Variants in SDK1 observed in about 807,000 individuals in gnomAD.
The protein encoded by SDK1 is sidekick cell adhesion molecule 1.
Under a neutral mutation model 245.5 loss-of-function variants are expected in SDK1, and 157 were observed. The observed-to-expected ratio is 0.64, with a 90% CI of 0.56 to 0.73. SDK1 has a LOEUF of 0.73. Ranked by LOEUF, SDK1 falls within the 30% of genes least tolerant of loss-of-function variation. The pLI is 0.00. For synonymous variants in SDK1, 1,647 were observed against 1,278.5 expected, an observed-to-expected ratio of 1.29 and a Z score of -6.15; for missense variants, 3,583 against 3,002.3, an observed-to-expected ratio of 1.19 and a Z score of -4.52.
At chr7:4,032,325 A>G (rs576889680) in intron 17 of SDK1, among the ~76,000 whole-genome samples, 3 of 152,342 alleles carry the variant, frequency 2.0e-5, no homozygotes, top group African/African-American at 7.2e-5. Context: ...TAAAATAGAA[A>G]TGTATTGACA....
intron 11 of SDK1, among the ~76,000 whole-genome samples, 171 bp downstream of exon 11, chr7:3,969,595 G>A (rs563394778): frequency 3.3e-4 from 50 of 152,260 alleles, no homozygotes; most frequent in African/African-American, 1.1e-3. Flanking sequence ...AATTTTCAAT[G>A]TCTAAAAGAA....
intron 18 of SDK1, 28 bp downstream of exon 18, chr7:4,049,491 G>T (rs1269982563): frequency 6.5e-7 from 1 of 1,545,052 alleles, no homozygotes; most frequent in South Asian, 1.1e-5. Flanking sequence ...AGGGCCTGTG[G>T]GCAGCTGTCA....
chr7:3,595,509 T>A (rs964529326), intron 1 of SDK1, among the ~76,000 whole-genome samples: 14 of 152,124 alleles, frequency 9.2e-5, no homozygotes, highest in Non-Finnish European at 1.5e-5. Flanking sequence ...GCCTCCGATA[T>A]ATTTAATAAA....
At chr7:4,223,204 G>A (rs955310860) in intron 40 of SDK1, among the ~76,000 whole-genome samples, 6 of 152,174 alleles carry the variant, frequency 3.9e-5, no homozygotes, top group Non-Finnish European at 8.8e-5. Context: ...TAGGATCCAG[G>A]CGTTCACAAA....
At chr7:3,369,932 C>T (rs1167021803) in intron 1 of SDK1, among the ~76,000 whole-genome samples, 4 of 152,198 alleles carry the variant, frequency 2.6e-5, no homozygotes, top group African/African-American at 7.2e-5. Context: ...AGCACAGTGC[C>T]CTAGGCACAG....
At chr7:4,025,765 A>G (rs1787295258) in intron 17 of SDK1, among the ~76,000 whole-genome samples, 1 of 152,140 alleles carries the variant, frequency 6.6e-6, no homozygotes, top group Non-Finnish European at 1.5e-5. Flanking sequence ...CACCACTTTA[A>G]TCTCCATCTT....
chr7:4,241,776 C>G lies in SDK1; in HGVS notation c.6131-17C>G, dbSNP rs368395194. 7 of 1,614,032 alleles carry G rather than the reference C, an allele frequency of 4.3e-6. No individual in the cohort carries two copies. In the East Asian group the frequency reaches 6.7e-5, roughly 15 times the overall value. On this transcript the variant is annotated splice_polypyrimidine_tract_variant and intron_variant, in intron 42 of 44. Transcript: ENST00000404826. ...CACCAGTAACACGTCTGTTCTCACT[C>G]TCCTGCTGGGCTTTAGGAAAGGGGA... is the stretch of plus-strand genomic sequence containing the variant.
intron 1 of SDK1, among the ~76,000 whole-genome samples, chr7:3,528,910 G>C (rs1783245584): frequency 6.6e-6 from 1 of 152,110 alleles, no homozygotes; most frequent in South Asian, 2.1e-4. Context: ...CCTTGCTTTT[G>C]AGGTATTACC....
At chr7:3,729,984 A>G (rs550651300) in intron 4 of SDK1, among the ~76,000 whole-genome samples, 1 of 152,058 alleles carries the variant, frequency 6.6e-6, no homozygotes, top group South Asian at 2.1e-4. Context: ...CATTTGGAAA[A>G]CAGTAGTACA....
intron 1 of SDK1, among the ~76,000 whole-genome samples, chr7:3,592,331 G>C (rs1447295836): frequency 2.0e-5 from 3 of 152,158 alleles, no homozygotes; most frequent in South Asian, 2.1e-4. Context: ...CTTACATTCA[G>C]ATGTTCCAGA....
At chr7:4,028,620 A>G (rs1302828702) in intron 17 of SDK1, among the ~76,000 whole-genome samples, 2 of 152,196 alleles carry the variant, frequency 1.3e-5, no homozygotes, top group Non-Finnish European at 2.9e-5. Context: ...CGTTTGGAGG[A>G]GGCTAGAATT....
chr7:3,913,397 C>T (rs907793941), intron 5 of SDK1, among the ~76,000 whole-genome samples: 9 of 151,804 alleles, frequency 5.9e-5, no homozygotes, highest in Non-Finnish European at 1.0e-4. Flanking sequence ...AGGTTCACGC[C>T]ATTCTCCTGC....
intron 1 of SDK1, among the ~76,000 whole-genome samples, chr7:3,601,390 C>G (rs757965788): frequency 1.3e-5 from 2 of 152,042 alleles, no homozygotes; most frequent in Non-Finnish European, 1.5e-5. Context: ...AATTCAATTT[C>G]TTTAATTGCT....
chr7:3,837,287 C>T (rs1158660540), intron 5 of SDK1, among the ~76,000 whole-genome samples: 1 of 152,152 alleles, frequency 6.6e-6, no homozygotes, highest in African/African-American at 2.4e-5. Flanking sequence ...ATTTAGCCCA[C>T]ACAATACCTT....
intron 1 of SDK1, among the ~76,000 whole-genome samples, chr7:3,410,413 T>A (rs928150184): frequency 6.6e-6 from 1 of 152,112 alleles, no homozygotes; most frequent in African/African-American, 2.4e-5. Context: ...ATGCAAATAT[T>A]CAAAAATCTG....
intron 1 of SDK1, among the ~76,000 whole-genome samples, chr7:3,606,816 T>C (rs1269643220): frequency 6.6e-6 from 1 of 151,974 alleles, no homozygotes; most frequent in African/African-American, 2.4e-5. Context: ...TAAAGGTGTT[T>C]CTGTTATTAT....
chr7:3,865,393 T>C (rs905992555), intron 5 of SDK1, among the ~76,000 whole-genome samples: 2 of 152,230 alleles, frequency 1.3e-5, no homozygotes, highest in African/African-American at 4.8e-5. Flanking sequence ...ACCGACAGAC[T>C]CAAAATGTTT....
chr7:4,173,894 C>T (rs1782007818), intron 32 of SDK1, among the ~76,000 whole-genome samples: 1 of 152,234 alleles, frequency 6.6e-6, no homozygotes, highest in Non-Finnish European at 1.5e-5. Context: ...CACCACACAG[C>T]ACCCAGCCTC....
At chr7:3,439,134 T>C (rs1464965705) in intron 1 of SDK1, among the ~76,000 whole-genome samples, 3 of 152,146 alleles carry the variant, frequency 2.0e-5, no homozygotes, top group Non-Finnish European at 2.9e-5. Flanking sequence ...ATTACAGGTG[T>C]GAATCACCAT....
Sources: gnomAD v4.1 joint callset for allele counts (sites outside exome capture counted in the v4.1 genomes callset) on GRCh38, gnomAD v4.1.1 for gene constraint, MANE v1.5 for transcripts, NCBI Gene and HGNC (gene_info 2026-07-23, HGNC 2026-07-21) for gene names.